The following SLC24A2 variants were observed in gnomAD, a reference collection of about 807,000 sequenced individuals.
SLC24A2 encodes the protein sodium/potassium/calcium exchanger 2.
In SLC24A2, 36 loss-of-function variants were observed where a neutral mutation model predicts 62.0. The ratio of observed to expected loss-of-function variants is 0.58; its 90% CI spans 0.44 to 0.77. The LOEUF (loss-of-function observed/expected upper bound fraction) is 0.77, where lower values mean the gene tolerates loss of function less well. Ranked by LOEUF, SLC24A2 falls within the 30% of genes least tolerant of loss-of-function variation. The pLI is 0.00. For missense variants in SLC24A2, 846 were observed against 817.9 expected (o/e 1.03, Z -0.42); for synonymous variants, 358 against 294.0 (o/e 1.22, Z -2.23).
chr9:19,542,125 A>T (rs1586922900), intron 8 of SLC24A2, among the ~76,000 whole-genome samples: 1 of 152,270 alleles, frequency 6.6e-6, no homozygotes, highest in South Asian at 2.1e-4. Context: ...TAGTGAGATG[A>T]ACCCGGTACC....
At chr9:19,688,139 T>A (rs75062375) in intron 2 of SLC24A2, among the ~76,000 whole-genome samples, 1 of 152,092 alleles carries the variant, frequency 6.6e-6, no homozygotes, top group African/African-American at 2.4e-5. Flanking sequence ...AATCTTGAAG[T>A]AAGGTGCTAT....
intron 2 of SLC24A2, among the ~76,000 whole-genome samples, chr9:19,636,255 CTT>C: frequency 1.2e-5 from 1 of 82,192 alleles, no homozygotes; most frequent in Non-Finnish European, 2.5e-5. Flanking sequence ...GCTAGGTGTC[CTT>C]TTCTTTTCTT....
chr9:20,059,673 A>G, the SLC24A2 span, among the ~76,000 whole-genome samples: 300 of 152,242 alleles, frequency 2.0e-3, 1 homozygote, highest in African/African-American at 7.1e-3. Context: ...ATTTATAACA[A>G]GCTGTAAATG....
At chr9:19,706,678 G>C (rs572878372) in intron 2 of SLC24A2, among the ~76,000 whole-genome samples, 3 of 151,852 alleles carry the variant, frequency 2.0e-5, no homozygotes, top group Non-Finnish European at 4.4e-5. Flanking sequence ...GCGCCCGGCC[G>C]GGTCTTGATT....
At chr9:19,928,594 A>G in the SLC24A2 span, 3 of 152,232 alleles carry the variant, frequency 2.0e-5, no homozygotes, top group Non-Finnish European at 4.4e-5. Flanking sequence ...AGAAAAGACC[A>G]GTGAGAACTG....
the SLC24A2 span, among the ~76,000 whole-genome samples, chr9:20,295,609 A>C: frequency 6.6e-6 from 1 of 150,876 alleles, no homozygotes; most frequent in Non-Finnish European, 1.5e-5. Context: ...GAACAAACAG[A>C]TACAGAAGGT....
chr9:19,539,435 T>A (rs1399743319), intron 8 of SLC24A2, among the ~76,000 whole-genome samples: 1 of 151,920 alleles, frequency 6.6e-6, no homozygotes, highest in African/African-American at 2.4e-5. Flanking sequence ...GAAGAACATC[T>A]TTATTTCTGC....
At chr9:20,001,765 T>C in the SLC24A2 span, among the ~76,000 whole-genome samples, 2 of 152,196 alleles carry the variant, frequency 1.3e-5, no homozygotes, top group East Asian at 3.8e-4. Context: ...ATGATGCCTC[T>C]GGTTAAAGGT....
At chr9:19,855,143 C>G in the SLC24A2 span, among the ~76,000 whole-genome samples, 1 of 152,032 alleles carries the variant, frequency 6.6e-6, no homozygotes, top group East Asian at 1.9e-4. Flanking sequence ...ATTTGCTTGG[C>G]AAATTTCCCT....
chr9:19,973,070 G>T, the SLC24A2 span, among the ~76,000 whole-genome samples: 1 of 152,210 alleles, frequency 6.6e-6, no homozygotes, highest in African/African-American at 2.4e-5. Context: ...AGGTGCAGTG[G>T]TGTGCGACTG....
chr9:19,590,924 C>G (rs1029225567), intron 5 of SLC24A2, among the ~76,000 whole-genome samples: 1 of 152,258 alleles, frequency 6.6e-6, no homozygotes, highest in African/African-American at 2.4e-5. Context: ...TCTTACTGGT[C>G]AATTCATTGA....
intron 2 of SLC24A2, among the ~76,000 whole-genome samples, chr9:19,638,142 G>C (rs997195270): frequency 3.9e-5 from 6 of 152,214 alleles, no homozygotes; most frequent in African/African-American, 1.4e-4. Context: ...ACCTTGTAAA[G>C]TTGGGGGCCA....
chr9:20,300,701 T>C, the SLC24A2 span, among the ~76,000 whole-genome samples: 1 of 152,122 alleles, frequency 6.6e-6, no homozygotes, highest in Non-Finnish European at 1.5e-5. Context: ...CTCCCTTCTC[T>C]CATAAAAATG....
At chr9:20,019,025 A>T in the SLC24A2 span, among the ~76,000 whole-genome samples, 1 of 151,240 alleles carries the variant, frequency 6.6e-6, no homozygotes. Context: ...ATTATGCCAC[A>T]ACACTCCTAG....
upstream of SLC24A2, among the ~76,000 whole-genome samples, chr9:19,792,931 A>T (rs985454815): frequency 6.6e-6 from 1 of 152,220 alleles, no homozygotes; most frequent in African/African-American, 2.4e-5. Flanking sequence ...CAGTAGTTCC[A>T]AACCTCGACT....
chr9:19,828,748 T>G, the SLC24A2 span, among the ~76,000 whole-genome samples: 2 of 152,064 alleles, frequency 1.3e-5, no homozygotes, highest in South Asian at 4.1e-4. Flanking sequence ...AAATAACACA[T>G]TGCTTGAGGG....
chr9:19,631,357 AG>A (rs1468523812), intron 2 of SLC24A2, among the ~76,000 whole-genome samples: 12 of 152,236 alleles, frequency 7.9e-5, no homozygotes, highest in African/African-American at 2.9e-4. Context: ...GTCTCCTCCC[AG>A]GTATCTGGCA....
chr9:20,178,065 A>G, the SLC24A2 span, among the ~76,000 whole-genome samples: 2 of 152,158 alleles, frequency 1.3e-5, no homozygotes, highest in African/African-American at 4.8e-5. Context: ...TATTAACTAT[A>G]GAGTCTGGAT....
At chr9:20,027,570 G>T in the SLC24A2 span, among the ~76,000 whole-genome samples, 1 of 152,136 alleles carries the variant, frequency 6.6e-6, no homozygotes, top group East Asian at 1.9e-4. Context: ...AATACTGCAT[G>T]ATCTTCCTCA....
Sources: gnomAD v4.1 joint callset for allele counts (sites outside exome capture counted in the v4.1 genomes callset) on GRCh38, gnomAD v4.1.1 for gene constraint, MANE v1.5 for transcripts, NCBI Gene and HGNC (gene_info 2026-07-23, HGNC 2026-07-21) for gene names.